The following CNTNAP2 variants were observed in gnomAD, a reference collection of about 807,000 sequenced individuals.
CNTNAP2 encodes the protein contactin associated protein 2, also known as contactin-associated protein-like 2.
In CNTNAP2, 98 loss-of-function variants were observed where a neutral mutation model predicts 155.2. That is an observed-to-expected ratio of 0.63 (90% CI 0.54 to 0.75). CNTNAP2 has a LOEUF of 0.75. Ranked by LOEUF, CNTNAP2 falls within the 30% of genes least tolerant of loss-of-function variation. The probability of loss-of-function intolerance (pLI) is 0.00; values close to 1 mark genes in which losing one functional copy is unlikely to be tolerated. For missense variants in CNTNAP2, 1,727 were observed against 1,688.1 expected, an observed-to-expected ratio of 1.02 and a Z score of -0.40; for synonymous variants, 651 against 631.2, an observed-to-expected ratio of 1.03 and a Z score of -0.47.
chr7:148,270,274 G>A (rs1796751210), intron 21 of CNTNAP2, among the ~76,000 whole-genome samples: 1 of 152,184 alleles, frequency 6.6e-6, no homozygotes, highest in Non-Finnish European at 1.5e-5. Context: ...ATACATGAAG[G>A]TTACACCCTG....
At chr7:147,108,412 A>C in intron 5 of CNTNAP2, 62 bp downstream of exon 5, 1 of 1,356,424 alleles carries the variant, frequency 7.4e-7, no homozygotes, top group Non-Finnish European at 1.0e-6. Flanking sequence ...GAATATGTTC[A>C]TGTTGCTCAA....
chr7:146,378,580 A>G (rs553801595), intron 1 of CNTNAP2, among the ~76,000 whole-genome samples: 1 of 152,272 alleles, frequency 6.6e-6, no homozygotes, highest in South Asian at 2.1e-4. Flanking sequence ...ATGGTATATA[A>G]TTTCCTTAAG....
At chr7:147,496,429 A>G (rs988260242) in intron 11 of CNTNAP2, among the ~76,000 whole-genome samples, 2 of 152,204 alleles carry the variant, frequency 1.3e-5, no homozygotes, top group African/African-American at 4.8e-5. Context: ...TTTGAAAACC[A>G]TTTGGATGAT....
intron 1 of CNTNAP2, among the ~76,000 whole-genome samples, chr7:146,612,419 TAAATTGTTACTTACTTTA>T (rs1010992540): frequency 2.0e-5 from 3 of 152,172 alleles, no homozygotes; most frequent in Non-Finnish European, 4.4e-5. Context: ...ATGAAAATTC[TAAATTGTTACTTACTTTA>T]AAAGTATTTA....
chr7:147,716,161 T>C (rs1375847645), intron 13 of CNTNAP2, among the ~76,000 whole-genome samples: 3 of 152,184 alleles, frequency 2.0e-5, no homozygotes, highest in Non-Finnish European at 2.9e-5. Flanking sequence ...TACTTGGCTG[T>C]CCTTTTTACA....
intron 1 of CNTNAP2, among the ~76,000 whole-genome samples, chr7:146,132,522 G>A (rs955881203): frequency 4.7e-4 from 71 of 150,222 alleles, no homozygotes; most frequent in African/African-American, 1.2e-3. Flanking sequence ...CAACTAACTC[G>A]TCATCTAGCA....
chr7:147,644,743 G>A (rs543592153), intron 13 of CNTNAP2, among the ~76,000 whole-genome samples: 2 of 152,202 alleles, frequency 1.3e-5, no homozygotes, highest in South Asian at 2.1e-4. Flanking sequence ...TAACCAAAAT[G>A]TTTCTCTGTA....
intron 1 of CNTNAP2, among the ~76,000 whole-genome samples, chr7:146,150,647 A>T (rs1798022954): frequency 1.3e-5 from 2 of 151,838 alleles, no homozygotes; most frequent in South Asian, 4.1e-4. Context: ...TCTGATTTTG[A>T]TTCTATAATT....
chr7:146,155,189 A>G (rs1798106762), intron 1 of CNTNAP2, among the ~76,000 whole-genome samples: 1 of 152,192 alleles, frequency 6.6e-6, no homozygotes, highest in Non-Finnish European at 1.5e-5. Flanking sequence ...TGTACCTGAC[A>G]TTGGATCCTA....
chr7:146,869,704 G>A (rs1291335072), intron 3 of CNTNAP2, among the ~76,000 whole-genome samples: 1 of 152,040 alleles, frequency 6.6e-6, no homozygotes, highest in Non-Finnish European at 1.5e-5. Context: ...AAGAACTTGG[G>A]GTCTGATGTT....
chr7:146,991,619 T>C (rs1453572560), intron 3 of CNTNAP2, among the ~76,000 whole-genome samples: 2 of 152,176 alleles, frequency 1.3e-5, no homozygotes, highest in East Asian at 3.9e-4. Context: ...GATTTACAAA[T>C]TCTGGGCATA....
intron 13 of CNTNAP2, among the ~76,000 whole-genome samples, chr7:147,876,083 T>C (rs911041820): frequency 3.3e-5 from 5 of 152,226 alleles, no homozygotes; most frequent in African/African-American, 1.2e-4. Context: ...TTCCAACTTA[T>C]ATAAAAGAAT....
At chr7:148,259,744 A>G (rs1796522873) in intron 20 of CNTNAP2, among the ~76,000 whole-genome samples, 2 of 152,246 alleles carry the variant, frequency 1.3e-5, no homozygotes, top group Admixed American at 6.5e-5. Context: ...TTAAAAATGG[A>G]AATGAATGGA....
chr7:147,145,994 T>C (rs994202673), intron 8 of CNTNAP2, among the ~76,000 whole-genome samples: 3 of 152,220 alleles, frequency 2.0e-5, no homozygotes, highest in African/African-American at 7.2e-5. Context: ...GACTTGTTCC[T>C]ACCATTTTTA....
At chr7:148,172,186 A>G (rs1805805350) in intron 17 of CNTNAP2, 56 bp from the exon 18 acceptor site, 5 of 1,542,206 alleles carry the variant, frequency 3.2e-6, no homozygotes, top group Non-Finnish European at 4.5e-6. Context: ...AATATGAAGA[A>G]TTAAGCAATA....
intron 3 of CNTNAP2, among the ~76,000 whole-genome samples, chr7:146,944,697 T>C (rs1797123899): frequency 2.0e-5 from 3 of 151,998 alleles, no homozygotes; most frequent in African/African-American, 7.2e-5. Context: ...GCTAACACGG[T>C]GAAACCCCAT....
At chr7:148,131,636 G>A (rs1804833804) in intron 16 of CNTNAP2, among the ~76,000 whole-genome samples, 1 of 152,132 alleles carries the variant, frequency 6.6e-6, no homozygotes, top group African/African-American at 2.4e-5. Flanking sequence ...TATGAGAAAA[G>A]CAGAAATATA....
chr7:146,480,127 C>T (rs946690582), intron 1 of CNTNAP2, among the ~76,000 whole-genome samples: 1 of 152,150 alleles, frequency 6.6e-6, no homozygotes, highest in Non-Finnish European at 1.5e-5. Context: ...GTAATGATAA[C>T]ACACCGACAG....
At chr7:147,878,465 T>A (rs1799463284) in intron 13 of CNTNAP2, among the ~76,000 whole-genome samples, 1 of 152,122 alleles carries the variant, frequency 6.6e-6, no homozygotes, top group African/African-American at 2.4e-5. Flanking sequence ...GATGTCTTTG[T>A]ATTCCTTGAA....
Sources: gnomAD v4.1 joint callset for allele counts (sites outside exome capture counted in the v4.1 genomes callset) on GRCh38, gnomAD v4.1.1 for gene constraint, MANE v1.5 for transcripts, NCBI Gene and HGNC (gene_info 2026-07-23, HGNC 2026-07-21) for gene names.